WWC2: variants seen among roughly 807,000 people sequenced by gnomAD.
WWC2 encodes protein WWC2.
Under a neutral mutation model 138.5 loss-of-function variants are expected in WWC2, and 101 were observed. The observed-to-expected ratio is 0.73, with a 90% CI of 0.62 to 0.86. WWC2 has a LOEUF of 0.86. Ranked by LOEUF, WWC2 falls within the 40% of genes least tolerant of loss-of-function variation. The probability of loss-of-function intolerance (pLI) is 0.00; values close to 1 mark genes in which losing one functional copy is unlikely to be tolerated. For missense variants in WWC2, 1,420 were observed against 1,419.4 expected (o/e 1.00, Z -0.01); for synonymous variants, 558 against 538.4 (o/e 1.04, Z -0.50).
intron 4 of WWC2, among the ~76,000 whole-genome samples, chr4:183,229,533 C>A (rs1202786687): frequency 6.6e-6 from 1 of 151,908 alleles, no homozygotes; most frequent in Non-Finnish European, 1.5e-5. Context: ...CCACTGGAAC[C>A]AATTGATGAA....
At chr4:183,197,843 GC>G (rs1339657069) in intron 2 of WWC2, among the ~76,000 whole-genome samples, 20 of 152,150 alleles carry the variant, frequency 1.3e-4, no homozygotes, top group African/African-American at 4.6e-4. Context: ...TTTGTAACTT[GC>G]CCCCGCATCA....
At chr4:183,201,296 G>A (rs369728419) in intron 2 of WWC2, among the ~76,000 whole-genome samples, 5 of 152,010 alleles carry the variant, frequency 3.3e-5, no homozygotes, top group Admixed American at 6.5e-5. Context: ...TTCACAGTTA[G>A]GTGAGATATA....
intron 4 of WWC2, chr4:183,233,706 C>G (rs913546423): frequency 3.9e-5 from 6 of 152,172 alleles, no homozygotes; most frequent in African/African-American, 1.4e-4. Flanking sequence ...ATCTGGGATT[C>G]TGCTTTCCTC....
chr4:183,258,465 C>A (rs1405108339), intron 9 of WWC2, among the ~76,000 whole-genome samples: 1 of 152,064 alleles, frequency 6.6e-6, no homozygotes, highest in Admixed American at 6.5e-5. Context: ...GGCATGTTTC[C>A]TTACTGCCAA....
chr4:183,225,619 A>G (rs1039193444), intron 4 of WWC2, among the ~76,000 whole-genome samples: 2 of 152,230 alleles, frequency 1.3e-5, no homozygotes, highest in Non-Finnish European at 2.9e-5. Flanking sequence ...CTGGTAAGAC[A>G]TTTTAAAAAT....
chr4:183,192,601 T>G (rs1735020409), intron 1 of WWC2, among the ~76,000 whole-genome samples: 1 of 152,262 alleles, frequency 6.6e-6, no homozygotes, highest in Non-Finnish European at 1.5e-5. Flanking sequence ...GGGTGGATGA[T>G]GTACTTTGTT....
chr4:183,176,894 T>A (rs1158705186), intron 1 of WWC2, among the ~76,000 whole-genome samples: 1 of 149,266 alleles, frequency 6.7e-6, no homozygotes, highest in Non-Finnish European at 1.5e-5. Flanking sequence ...CATGGAGGAG[T>A]TTTTCAATAC....
chr4:183,124,629 G>T (rs868119838), intron 1 of WWC2, among the ~76,000 whole-genome samples: 4 of 132,670 alleles, frequency 3.0e-5, no homozygotes, highest in Middle Eastern at 4.6e-3. Context: ...TTGCTCTGTT[G>T]CCTAGGCTGG....
At chr4:183,265,564 A>C (rs1017680639) in intron 12 of WWC2, 124 bp from the exon 13 acceptor site, 249 of 982,780 alleles carry the variant, frequency 2.5e-4, no homozygotes, top group Non-Finnish European at 3.7e-4. Flanking sequence ...GATCAGTTCC[A>C]CTGGGAGGGC....
At chr4:183,245,277 A>G (rs1736739464) in intron 5 of WWC2, 139 bp from the exon 6 acceptor site, 1 of 651,152 alleles carries the variant, frequency 1.5e-6, no homozygotes, top group Non-Finnish European at 2.2e-6. Flanking sequence ...AAACTGCCTG[A>G]AAAGATGATT....
chr4:183,149,848 A>G (rs1733589544), intron 1 of WWC2, among the ~76,000 whole-genome samples: 2 of 152,156 alleles, frequency 1.3e-5, no homozygotes, highest in African/African-American at 4.8e-5. Flanking sequence ...CCGTGAATTA[A>G]TATGGGGTTG....
chr4:183,146,640 G>A (rs970861808), intron 1 of WWC2, among the ~76,000 whole-genome samples: 2 of 152,176 alleles, frequency 1.3e-5, no homozygotes, highest in African/African-American at 4.8e-5. Flanking sequence ...TGTGCGCAGC[G>A]TACAGCCTGG....
In WWC2 at chr4:183,315,772, T is replaced by C. The variant is rs772385992; in HGVS notation, c.*43T>C. 3 of 1,526,058 alleles carry C rather than the reference T, an allele frequency of 2.0e-6. No individual in the cohort carries two copies. Among genetic ancestry groups the C allele is most frequent in the East Asian group, 2.3e-5 (1 of 44,276 alleles). 94.5% of individuals were successfully genotyped at this position (1,526,058 alleles called of 1,614,324 possible). ...TTATTTTTTCATCTGTTCACTTTCTTAGGGAGGGTAAAAGACTGAAGATTT... is the reference window on the plus strand; with the variant it reads ...TTATTTTTTCATCTGTTCACTTTCTCAGGGAGGGTAAAAGACTGAAGATTT... On this transcript the variant is annotated 3_prime_UTR_variant, in exon 23 of 23. Coordinates refer to ENST00000403733, the MANE Select transcript of WWC2 (RefSeq NM_024949.6).
chr4:183,255,450 A>G (rs917638020), intron 9 of WWC2, among the ~76,000 whole-genome samples: 2 of 152,230 alleles, frequency 1.3e-5, no homozygotes, highest in African/African-American at 4.8e-5. Flanking sequence ...ACGGATAGTC[A>G]TCAGTAGCTA....
intron 1 of WWC2, among the ~76,000 whole-genome samples, chr4:183,187,337 T>C (rs908319503): frequency 2.0e-5 from 3 of 151,826 alleles, no homozygotes; most frequent in African/African-American, 4.8e-5. Flanking sequence ...GTGGATTACC[T>C]GAGGTCAGGA....
Position 183,308,671 on chromosome 4 carries a change from C to T in WWC2, c.3385-3670C>T, listed in dbSNP as rs543414495. Among the ~76,000 whole-genome samples, 856 of 152,298 alleles carry T rather than the reference C, an allele frequency of 5.6e-3. 6 individuals carry two copies. The highest frequency in any genetic ancestry group is 9.0e-3 in the Non-Finnish European group (612 of 68,022). On this transcript the variant is annotated intron_variant, in intron 21 of 22. Coordinates refer to ENST00000403733, the MANE Select transcript of WWC2 (RefSeq NM_024949.6). ...TGGTATAGTATTTGCATATAACCCA[C>T]ATCCTCCCATACACTTTAAATCATT... is the stretch of plus-strand genomic sequence containing the variant.
At position 183,224,198 on chromosome 4, in the gene WWC2, G is replaced by A. The variant is rs140947773; in HGVS notation, c.522+15173G>A. Among the ~76,000 whole-genome samples the A allele has an allele frequency of 1.6e-4, 24 of 152,286 alleles. 1 individual carries two copies. In the East Asian group the frequency reaches 4.6e-3, roughly 29 times the overall value. ...TCCTGTAAATTATTAATTAGATGTA[G>A]AGGATTATGAGATCTAGTTTTTTTG... On this transcript the variant is annotated intron_variant, in intron 4 of 22. Transcript: ENST00000403733.
At chr4:183,233,365 C>A (rs1288622932) in intron 4 of WWC2, among the ~76,000 whole-genome samples, 1 of 151,790 alleles carries the variant, frequency 6.6e-6, no homozygotes, top group Non-Finnish European at 1.5e-5. Flanking sequence ...CCATGTTGGC[C>A]AGGCTGGTCT....
chr4:183,306,124 A>G (rs1474361351), intron 21 of WWC2, among the ~76,000 whole-genome samples: 1 of 152,236 alleles, frequency 6.6e-6, no homozygotes, highest in Non-Finnish European at 1.5e-5. Flanking sequence ...AGAGAGAAAT[A>G]TAAATGACAT....
Sources: allele counts gnomAD v4.1 joint callset (sites outside exome capture counted in the v4.1 genomes callset), GRCh38; gene constraint gnomAD v4.1.1; transcripts MANE v1.5; gene names NCBI Gene and HGNC (gene_info 2026-07-23, HGNC 2026-07-21).